The following RNF180 variants were observed in gnomAD, a reference collection of about 807,000 sequenced individuals.
RNF180 encodes the protein E3 ubiquitin-protein ligase RNF180.
Under a neutral mutation model 59.2 loss-of-function variants are expected in RNF180, and 38 were observed. The observed-to-expected ratio is 0.64, with a 90% CI of 0.50 to 0.84. The LOEUF (loss-of-function observed/expected upper bound fraction) is 0.84. RNF180 is among the 40% of genes least tolerant of loss of function. The pLI is 0.00. For synonymous variants in RNF180, 262 were observed against 240.3 expected (o/e 1.09, Z -0.84); for missense variants, 705 against 700.9 (o/e 1.01, Z -0.07).
rs144618764 is a variant in RNF180 at position 64,200,869 on chromosome 5, G to A, written c.62G>A (p.Arg21His). ...AGTCAAGAGGAAACAAGTATTCTTC[G>A]TTGTTGGAAATGTAGAAAATGTATA... ...NHSQEETSIL[R>H]CWKCRKCIAS... is the part of the protein sequence containing the mutation. The change falls in exon 2 of 8, where the codon CGT becomes CAT. Residue 21 changes from arginine to histidine, a missense_variant. Transcript: ENST00000389100. 80 of 1,611,246 alleles carry A rather than the reference G, an allele frequency of 5.0e-5. No homozygotes were observed. The highest frequency in any genetic ancestry group is 8.3e-5 in the Admixed American group (5 of 59,992).
chr5:64,223,891 T>A (rs988390055), intron 5 of RNF180, among the ~76,000 whole-genome samples: 1 of 152,128 alleles, frequency 6.6e-6, no homozygotes, highest in African/African-American at 2.4e-5. Context: ...CAGTAATCAT[T>A]TTCTTGGGTA....
At chr5:64,291,416 C>CTTTTT (rs1207692101) in intron 5 of RNF180, among the ~76,000 whole-genome samples, 2 of 71,794 alleles carry the variant, frequency 2.8e-5, no homozygotes, top group Non-Finnish European at 2.6e-5. Flanking sequence ...AGTATGTTTT[C>CTTTTT]TTTTTTTTTT....
chr5:64,302,857 T>C (rs558147908), intron 5 of RNF180, among the ~76,000 whole-genome samples: 1 of 151,652 alleles, frequency 6.6e-6, no homozygotes, highest in Non-Finnish European at 1.5e-5. Context: ...GAAGAGAATA[T>C]AACAAAGGAC....
chr5:64,302,322 A>G (rs1743201942), intron 5 of RNF180, among the ~76,000 whole-genome samples: 1 of 151,524 alleles, frequency 6.6e-6, no homozygotes, highest in South Asian at 2.1e-4. Flanking sequence ...TGTGGTAGGG[A>G]TATTTATTTA....
chr5:64,283,469 A>G (rs2112397105), intron 5 of RNF180, among the ~76,000 whole-genome samples: 1 of 151,926 alleles, frequency 6.6e-6, no homozygotes, highest in Admixed American at 6.6e-5. Context: ...TAGCTTGTTT[A>G]CTGATATGGT....
chr5:64,225,753 C>T (rs920325220), intron 5 of RNF180, among the ~76,000 whole-genome samples: 14 of 117,456 alleles, frequency 1.2e-4, no homozygotes, highest in South Asian at 3.1e-4. Flanking sequence ...GGCCACCCTT[C>T]GTCTGAGATG....
chr5:64,195,808 C>T (rs529669202), intron 1 of RNF180, among the ~76,000 whole-genome samples: 16 of 152,298 alleles, frequency 1.1e-4, no homozygotes, highest in African/African-American at 3.8e-4. Context: ...AATCTGTCAG[C>T]TCAGGGTGCA....
At chr5:64,368,290 T>C (rs1746525953) in intron 7 of RNF180, among the ~76,000 whole-genome samples, 1 of 151,772 alleles carries the variant, frequency 6.6e-6, no homozygotes, top group African/African-American at 2.4e-5. Flanking sequence ...TCTCAAAGTA[T>C]AAGATACAAG....
intron 5 of RNF180, among the ~76,000 whole-genome samples, chr5:64,274,373 G>A (rs1033559418): frequency 6.7e-6 from 1 of 150,314 alleles, no homozygotes; most frequent in South Asian, 2.1e-4. Flanking sequence ...TATATTTCTC[G>A]GTTATATAGT....
intron 7 of RNF180, among the ~76,000 whole-genome samples, chr5:64,332,075 GCCA>G (rs1465817313): frequency 1.3e-5 from 2 of 152,134 alleles, no homozygotes; most frequent in East Asian, 3.9e-4. Flanking sequence ...CACACCCCTT[GCCA>G]TTCTGCACCT....
intron 5 of RNF180, among the ~76,000 whole-genome samples, chr5:64,234,146 T>C (rs1193682542): frequency 1.3e-5 from 2 of 152,156 alleles, no homozygotes; most frequent in Non-Finnish European, 2.9e-5. Context: ...GAAATAAATC[T>C]CATTTTTTTT....
At chr5:64,366,873 A>G (rs1328269212) in intron 7 of RNF180, among the ~76,000 whole-genome samples, 2 of 151,662 alleles carry the variant, frequency 1.3e-5, no homozygotes, top group Admixed American at 1.3e-4. Context: ...ATCAAGATAC[A>G]GGAAGCTCAG....
intron 5 of RNF180, among the ~76,000 whole-genome samples, chr5:64,273,526 G>A (rs1032877591): frequency 1.3e-5 from 2 of 151,834 alleles, no homozygotes; most frequent in African/African-American, 2.4e-5. Context: ...AAGGAGTTAG[G>A]AGAAAAGAAT....
At chr5:64,221,701 G>T (rs1219555263) in intron 5 of RNF180, among the ~76,000 whole-genome samples, 1 of 152,168 alleles carries the variant, frequency 6.6e-6, no homozygotes, top group Non-Finnish European at 1.5e-5. Context: ...GCCTTTACCT[G>T]AAGTAATTAT....
chr5:64,275,161 C>T (rs908078627), intron 5 of RNF180, among the ~76,000 whole-genome samples: 1 of 151,570 alleles, frequency 6.6e-6, no homozygotes, highest in Non-Finnish European at 1.5e-5. Context: ...AATTCTGTAA[C>T]ATACATGTCT....
At chr5:64,267,583 A>G (rs1744756247) in intron 5 of RNF180, among the ~76,000 whole-genome samples, 2 of 150,496 alleles carry the variant, frequency 1.3e-5, no homozygotes, top group Non-Finnish European at 1.5e-5. Context: ...ATTCCCACCT[A>G]TGAGTGAGAA....
intron 5 of RNF180, among the ~76,000 whole-genome samples, chr5:64,282,153 A>G (rs187976187): frequency 1.5e-4 from 23 of 152,306 alleles, no homozygotes; most frequent in Admixed American, 5.2e-4. Flanking sequence ...GTCTGGTAGA[A>G]TTCAGCTGTG....
At chr5:64,220,256 ATATTT>A (rs1277760640) in intron 5 of RNF180, among the ~76,000 whole-genome samples, 4 of 151,940 alleles carry the variant, frequency 2.6e-5, no homozygotes, top group Admixed American at 1.3e-4. Flanking sequence ...ATATTTACAT[ATATTT>A]CTTCTCTTTA....
intron 1 of RNF180, among the ~76,000 whole-genome samples, chr5:64,168,150 CATG>C (rs1749748233): frequency 6.6e-6 from 1 of 152,122 alleles, no homozygotes; most frequent in African/African-American, 2.4e-5. Flanking sequence ...AAAAACATTT[CATG>C]ATAACATTCA....
Sources: gnomAD v4.1 joint callset for allele counts (sites outside exome capture counted in the v4.1 genomes callset) on GRCh38, gnomAD v4.1.1 for gene constraint, MANE v1.5 for transcripts, NCBI Gene and HGNC (gene_info 2026-07-23, HGNC 2026-07-21) for gene names.